The following LRRC37A variants were observed in gnomAD, a reference collection of about 807,000 sequenced individuals.
LRRC37A encodes leucine-rich repeat-containing protein 37A.
In LRRC37A, 3 loss-of-function variants were observed where a neutral mutation model predicts 35.4. The ratio of observed to expected loss-of-function variants is 0.08; its 90% CI spans 0.04 to 0.22. LRRC37A has a LOEUF of 0.22. LRRC37A is among the 10% of genes least tolerant of loss of function. The pLI, the probability that LRRC37A is intolerant of heterozygous loss-of-function variation, is 1.00. For synonymous variants in LRRC37A, 23 were observed against 215.0 expected (o/e 0.11, Z 7.81); for missense variants, 67 against 565.3 (o/e 0.12, Z 8.94).
chr17:46,255,711 T>A, the LRRC37A span, among the ~76,000 whole-genome samples: 1 of 148,678 alleles, frequency 6.7e-6, no homozygotes, highest in Non-Finnish European at 1.5e-5. Context: ...AGTCTCGCTC[T>A]GTCACCCAGG....
the LRRC37A span, among the ~76,000 whole-genome samples, chr17:46,251,376 A>C: frequency 2.0e-5 from 3 of 151,352 alleles, no homozygotes; most frequent in African/African-American, 7.3e-5. Flanking sequence ...CTCCTGCCTC[A>C]GCCTCCCGAG....
the LRRC37A span, among the ~76,000 whole-genome samples, chr17:46,283,146 G>T: frequency 0.04 from 5,096 of 127,256 alleles, no homozygotes; most frequent in Middle Eastern, 0.085. Flanking sequence ...AACCGAGTAT[G>T]CACAATTCAA....
chr17:46,271,261 G>A, the LRRC37A span, among the ~76,000 whole-genome samples: 1 of 150,926 alleles, frequency 6.6e-6, no homozygotes, highest in African/African-American at 2.4e-5. Flanking sequence ...TCCCTCCTGG[G>A]TTCAAGTGAT....
chr17:46,264,785 C>T, the LRRC37A span, among the ~76,000 whole-genome samples: 1 of 152,352 alleles, frequency 6.6e-6, no homozygotes, highest in Admixed American at 6.5e-5. Context: ...AACCATCCAG[C>T]TTGCTCTCTG....
the LRRC37A span, among the ~76,000 whole-genome samples, chr17:46,259,053 T>A: frequency 2.2e-5 from 3 of 135,140 alleles, no homozygotes; most frequent in African/African-American, 3.0e-5. Flanking sequence ...TTTTTTTTTT[T>A]ACTAACCAGG....
exon 9 of LRRC37A, chr17:46,330,952 G>T (rs1240433150): frequency 1.4e-6 from 1 of 725,136 alleles, no homozygotes; most frequent in Non-Finnish European, 2.1e-6. Flanking sequence ...GGCCTGAGAA[G>T]TTAGCGGGAA....
At chr17:46,265,285 CTTCT>C in the LRRC37A span, among the ~76,000 whole-genome samples, 1 of 108,158 alleles carries the variant, frequency 9.2e-6, no homozygotes, top group Admixed American at 1.1e-4. Context: ...TCTTCTTCTT[CTTCT>C]TCTTCTTCTT....
At chr17:46,291,125 G>C (rs534787052), upstream of LRRC37A, among the ~76,000 whole-genome samples, 1 of 152,334 alleles carries the variant, frequency 6.6e-6, no homozygotes, top group South Asian at 2.1e-4. Flanking sequence ...TATTTATAGA[G>C]AGAGACTGAA....
the LRRC37A span, among the ~76,000 whole-genome samples, chr17:46,287,580 T>G: frequency 6.6e-6 from 1 of 152,258 alleles, no homozygotes; most frequent in Non-Finnish European, 1.5e-5. Context: ...GAATAAACAT[T>G]GGAATTTAAT....
the LRRC37A span, among the ~76,000 whole-genome samples, chr17:46,262,127 T>A: frequency 6.6e-6 from 1 of 152,190 alleles, no homozygotes; most frequent in Non-Finnish European, 1.5e-5. Flanking sequence ...TTTTTATATT[T>A]TCAGTAGAGA....
chr17:46,283,680 A>G, the LRRC37A span, among the ~76,000 whole-genome samples: 106 of 152,302 alleles, frequency 7.0e-4, 3 homozygotes, highest in South Asian at 0.012. Flanking sequence ...AGACTTGGAA[A>G]AGAAAAAGAC....
the LRRC37A span, among the ~76,000 whole-genome samples, chr17:46,285,958 G>A: frequency 6.6e-6 from 1 of 152,238 alleles, no homozygotes; most frequent in Non-Finnish European, 1.5e-5. Context: ...AGTGGTGTGA[G>A]CACTGTCATG....
chr17:46,260,623 T>G, the LRRC37A span: 2 of 840,078 alleles, frequency 2.4e-6, no homozygotes, highest in Non-Finnish European at 1.7e-6. Context: ...CTATTCTCTT[T>G]TTTTTTTTTT....
chr17:46,253,971 A>T, the LRRC37A span, among the ~76,000 whole-genome samples: 1 of 152,196 alleles, frequency 6.6e-6, no homozygotes. Context: ...TAGAAGGGGG[A>T]TGCAAGTGGC....
At chr17:46,271,332 A>ATTTTTTTTTTTT in the LRRC37A span, among the ~76,000 whole-genome samples, 460 of 125,520 alleles carry the variant, frequency 3.7e-3, no homozygotes, top group Middle Eastern at 8.6e-3. Context: ...TACCTAGCTA[A>ATTTTTTTTTTTT]TTTTTTTTTT....
chr17:46,256,970 G>A, the LRRC37A span, among the ~76,000 whole-genome samples: 10 of 152,228 alleles, frequency 6.6e-5, no homozygotes, highest in African/African-American at 2.4e-4. Context: ...ATGTTAATTG[G>A]CTCTTTTCTC....
the LRRC37A span, among the ~76,000 whole-genome samples, chr17:46,262,402 G>C: frequency 6.6e-6 from 1 of 151,712 alleles, no homozygotes; most frequent in Non-Finnish European, 1.5e-5. Flanking sequence ...TAATAGAGAT[G>C]GGATTTTGCC....
intron 5 of LRRC37A, among the ~76,000 whole-genome samples, chr17:46,315,521 T>A (rs2051042062): frequency 1.5e-5 from 1 of 66,916 alleles, no homozygotes. Flanking sequence ...AGTGAAAACC[T>A]GTCTTGAAAA....
chr17:46,276,372 C>T, the LRRC37A span, among the ~76,000 whole-genome samples: 1 of 152,342 alleles, frequency 6.6e-6, no homozygotes, highest in Non-Finnish European at 1.5e-5. Context: ...TACCACTATA[C>T]ATCGTTAACA....
Sources: gnomAD v4.1 joint callset for allele counts (sites outside exome capture counted in the v4.1 genomes callset) on GRCh38, gnomAD v4.1.1 for gene constraint, MANE v1.5 for transcripts, NCBI Gene and HGNC (gene_info 2026-07-23, HGNC 2026-07-21) for gene names.